Variants in BCAR3 observed in about 807,000 individuals in gnomAD.
BCAR3 encodes BCAR3 adaptor protein, NSP family member.
A neutral mutation model predicts 80.1 loss-of-function variants in BCAR3; 37 were observed. The observed-to-expected ratio is 0.46, with a 90% CI of 0.36 to 0.61. BCAR3 has a LOEUF of 0.61. Among genes scored for constraint, BCAR3 ranks in the 20% least tolerant of loss-of-function variants. BCAR3 has a pLI of 0.00. For missense variants in BCAR3, 978 were observed against 1,068.2 expected, an observed-to-expected ratio of 0.92 and a Z score of 1.18; for synonymous variants, 389 against 418.9, an observed-to-expected ratio of 0.93 and a Z score of 0.87.
At chr1:93,594,467 C>G (rs890413985) in intron 3 of BCAR3, 3 of 152,296 alleles carry the variant, frequency 2.0e-5, no homozygotes, top group African/African-American at 7.2e-5. Flanking sequence ...GGGAGCCACA[C>G]CAAGGAATTG....
intron 2 of BCAR3, among the ~76,000 whole-genome samples, chr1:93,652,621 G>A (rs1459663079): frequency 6.6e-6 from 1 of 152,014 alleles, no homozygotes; most frequent in African/African-American, 2.4e-5. Flanking sequence ...GAAACTTGGC[G>A]ATATAAATGA....
chr1:93,705,901 A>G (rs114146771), intron 3 of BCAR3, among the ~76,000 whole-genome samples: 2,161 of 151,730 alleles, frequency 0.014, 40 homozygotes, highest in African/African-American at 0.045. Context: ...GCTGCGATGA[A>G]TAAGGATCCT....
At chr1:93,597,285 C>A (rs1674454919) in intron 3 of BCAR3, among the ~76,000 whole-genome samples, 1 of 152,144 alleles carries the variant, frequency 6.6e-6, no homozygotes, top group Non-Finnish European at 1.5e-5. Flanking sequence ...ACAAACAGGG[C>A]AAATGTAGGG....
intron 2 of BCAR3, among the ~76,000 whole-genome samples, chr1:93,738,259 T>TA (rs1408812629): frequency 6.6e-6 from 1 of 152,220 alleles, no homozygotes; most frequent in Non-Finnish European, 1.5e-5. Flanking sequence ...ATAGTATTGT[T>TA]ATGAGGATTC....
At chr1:93,576,576 T>G (rs766346745) in intron 7 of BCAR3, among the ~76,000 whole-genome samples, 16 of 152,232 alleles carry the variant, frequency 1.1e-4, no homozygotes, top group South Asian at 2.1e-4. Context: ...GCCATTCATG[T>G]TCTCACTTAA....
chr1:93,675,785 C>G (rs1220114169), intron 1 of BCAR3, among the ~76,000 whole-genome samples: 1 of 152,096 alleles, frequency 6.6e-6, no homozygotes, highest in African/African-American at 2.4e-5. Context: ...GACACTCTCT[C>G]CTATCTAGGA....
chr1:93,642,935 T>A (rs1297550503), intron 2 of BCAR3, among the ~76,000 whole-genome samples: 1 of 152,102 alleles, frequency 6.6e-6, no homozygotes, highest in Non-Finnish European at 1.5e-5. Flanking sequence ...GTGTTTTTAT[T>A]CCCCCATATG....
intron 3 of BCAR3, among the ~76,000 whole-genome samples, chr1:93,628,422 G>GA (rs1675513109): frequency 1.3e-5 from 2 of 152,100 alleles, no homozygotes; most frequent in Admixed American, 6.6e-5. Flanking sequence ...TCTCATTCCA[G>GA]AAAAAATTGA....
intron 3 of BCAR3, among the ~76,000 whole-genome samples, chr1:93,633,273 C>T (rs911768788): frequency 1.3e-5 from 2 of 152,118 alleles, no homozygotes; most frequent in Admixed American, 1.3e-4. Flanking sequence ...AGCTTCTCTC[C>T]CTCACCTGCA....
At chr1:93,669,031 C>T (rs532946633) in intron 2 of BCAR3, among the ~76,000 whole-genome samples, 1 of 151,894 alleles carries the variant, frequency 6.6e-6, no homozygotes, top group East Asian at 1.9e-4. Context: ...TTTTTTTTAA[C>T]TCAAAATCCA....
chr1:93,735,633 AT>A (rs1308164928), intron 2 of BCAR3, among the ~76,000 whole-genome samples: 2 of 152,202 alleles, frequency 1.3e-5, no homozygotes, highest in African/African-American at 4.8e-5. Context: ...TCCTTTCCTT[AT>A]TTTGAAAAAT....
intron 2 of BCAR3, among the ~76,000 whole-genome samples, chr1:93,816,969 C>A (rs1432998405): frequency 2.0e-5 from 3 of 152,104 alleles, no homozygotes; most frequent in Non-Finnish European, 2.9e-5. Context: ...CATTAAACCA[C>A]CACCCCCTCA....
chr1:93,664,623 G>C (rs1360894933), intron 2 of BCAR3, among the ~76,000 whole-genome samples: 3 of 152,206 alleles, frequency 2.0e-5, no homozygotes, highest in Non-Finnish European at 2.9e-5. Flanking sequence ...CAGTGGTACT[G>C]GTTGATAAAA....
At chr1:93,669,333 G>C (rs765814957) in intron 2 of BCAR3, among the ~76,000 whole-genome samples, 1 of 152,136 alleles carries the variant, frequency 6.6e-6, no homozygotes, top group Non-Finnish European at 1.5e-5. Flanking sequence ...TGTTTTAGAG[G>C]AAAAAAGCTG....
At chr1:93,777,604 TG>T (rs1188287787) in intron 2 of BCAR3, among the ~76,000 whole-genome samples, 1 of 152,046 alleles carries the variant, frequency 6.6e-6, no homozygotes, top group Non-Finnish European at 1.5e-5. Flanking sequence ...AATTTTTTTT[TG>T]TAGAGATGGG....
chr1:93,695,740 T>C (rs1649367022), intron 3 of BCAR3, among the ~76,000 whole-genome samples: 1 of 152,224 alleles, frequency 6.6e-6, no homozygotes, highest in African/African-American at 2.4e-5. Flanking sequence ...AGGTTGATAA[T>C]GACTTCTTCA....
intron 5 of BCAR3, among the ~76,000 whole-genome samples, chr1:93,584,740 G>C (rs1673873642): frequency 6.6e-6 from 1 of 152,220 alleles, no homozygotes; most frequent in African/African-American, 2.4e-5. Context: ...CAGTTGGGAG[G>C]CACACTGTGT....
intron 3 of BCAR3, among the ~76,000 whole-genome samples, chr1:93,597,046 TC>T (rs1674443666): frequency 6.6e-6 from 1 of 152,182 alleles, no homozygotes; most frequent in Admixed American, 6.5e-5. Flanking sequence ...AGGGCTCATA[TC>T]TTGTGCTTCA....
intron 2 of BCAR3, among the ~76,000 whole-genome samples, chr1:93,769,107 A>C (rs12409199): frequency 1.3e-5 from 2 of 151,944 alleles, no homozygotes; most frequent in African/African-American, 4.8e-5. Context: ...ACCCTGGGGG[A>C]GGAGACAGAA....
Sources: allele counts gnomAD v4.1 joint callset (sites outside exome capture counted in the v4.1 genomes callset), GRCh38; gene constraint gnomAD v4.1.1; transcripts MANE v1.5; gene names NCBI Gene and HGNC (gene_info 2026-07-23, HGNC 2026-07-21).